The following KIAA0825 variants were observed in gnomAD, a reference collection of about 807,000 sequenced individuals.
The protein encoded by KIAA0825 is uncharacterized protein KIAA0825.
In KIAA0825, 119 loss-of-function variants were observed where a neutral mutation model predicts 147.6. The ratio of observed to expected loss-of-function variants is 0.81; its 90% CI spans 0.69 to 0.94. The LOEUF is 0.94. Among genes scored for constraint, KIAA0825 ranks in the 40% least tolerant of loss-of-function variants. The pLI, the probability that KIAA0825 is intolerant of heterozygous loss-of-function variation, is 0.00. For missense variants in KIAA0825, 1,381 were observed against 1,472.7 expected (o/e 0.94, Z 1.02); for synonymous variants, 470 against 518.1 (o/e 0.91, Z 1.26).
At chr5:94,284,325 A>G (rs769954137) in intron 20 of KIAA0825, among the ~76,000 whole-genome samples, 17 of 152,106 alleles carry the variant, frequency 1.1e-4, no homozygotes, top group Non-Finnish European at 1.9e-4. Flanking sequence ...TTCTTGAGGA[A>G]GTCCACAGAT....
intron 20 of KIAA0825, among the ~76,000 whole-genome samples, chr5:94,333,691 G>T (rs946049678): frequency 2.6e-5 from 4 of 152,018 alleles, no homozygotes; most frequent in African/African-American, 9.7e-5. Context: ...TTTTGCTTAG[G>T]ATTGTCTTGG....
intron 2 of KIAA0825, among the ~76,000 whole-genome samples, chr5:94,556,689 T>C (rs1470765891): frequency 1.3e-5 from 2 of 152,224 alleles, no homozygotes; most frequent in Non-Finnish European, 2.9e-5. Context: ...TCACCAGTCT[T>C]GTATCATCAA....
intron 5 of KIAA0825, among the ~76,000 whole-genome samples, chr5:94,499,848 A>G (rs1241411104): frequency 6.6e-6 from 1 of 152,192 alleles, no homozygotes; most frequent in Non-Finnish European, 1.5e-5. Flanking sequence ...CTTAGAGTCC[A>G]TATGGGGAGA....
At chr5:94,493,896 CAGAG>C (rs1352745980) in intron 5 of KIAA0825, among the ~76,000 whole-genome samples, 1 of 152,100 alleles carries the variant, frequency 6.6e-6, no homozygotes, top group Non-Finnish European at 1.5e-5. Flanking sequence ...GATGTATAGA[CAGAG>C]AGAACCCCTG....
At chr5:94,613,627 C>A (rs180872697) in intron 1 of KIAA0825, among the ~76,000 whole-genome samples, 14 of 152,322 alleles carry the variant, frequency 9.2e-5, no homozygotes, top group Middle Eastern at 6.8e-3. Context: ...TCAGTAGGGG[C>A]TGAATCCAAC....
intron 20 of KIAA0825, among the ~76,000 whole-genome samples, chr5:94,219,628 G>T (rs1224066772): frequency 1.3e-5 from 2 of 152,154 alleles, no homozygotes; most frequent in African/African-American, 4.8e-5. Flanking sequence ...TACCTATATA[G>T]TATAGTGTAT....
rs1033913421 is a variant in KIAA0825, at chr5:94,228,940, C to G, written c.3711-74816G>C. 1.5e-4 allele frequency among the ~76,000 whole-genome samples: 23 copies of G among 152,136 alleles called. 1 individual carries two copies. The highest frequency in any genetic ancestry group is 1.3e-3 in the Admixed American group (20 of 15,276). The stretch of plus-strand genomic sequence containing the variant: ...GAGGCCACTGGCCTGGGACTCTGAC[C>G]ATTCCAGGCCCCACCCAGCCACTCC... On this transcript the variant is annotated intron_variant, in intron 20 of 20. Transcript: ENST00000682413.
intron 1 of KIAA0825, chr5:94,618,005 G>A (rs1249383518): frequency 1.3e-5 from 2 of 152,102 alleles, no homozygotes; most frequent in East Asian, 3.8e-4. Context: ...TTCAAATGGC[G>A]GGAGGAACCT....
Position 94,394,958 on chromosome 5 carries a change from G to A in KIAA0825, c.3296+1143C>T, listed in dbSNP as rs1372169038. On this transcript the variant is annotated intron_variant, in intron 17 of 20. Coordinates refer to ENST00000682413, the MANE Select transcript of KIAA0825 (RefSeq NM_001145678.3). ...TTTTCCCCATTTGGATTAATATGAA[G>A]TCTTATAGATTAACATAGACAAGTA... 3.3e-5 allele frequency among the ~76,000 whole-genome samples: 5 copies of A among 152,170 alleles called. No individual in the cohort carries two copies. The East Asian group carries it at 7.7e-4, about 24-fold the overall frequency.
rs185616703 is a variant in KIAA0825 at position 94,188,519 on chromosome 5, G to A, written c.3711-34395C>T. On this transcript the variant is annotated intron_variant, in intron 20 of 20. Transcript: ENST00000682413. ...GCTTTTTCTAGAATTTCATATTAAT[G>A]GGATCATGTAGTACATAGTCTTTTG... Among the ~76,000 whole-genome samples, 97 of 152,180 alleles carry A rather than the reference G, an allele frequency of 6.4e-4. 1 individual carries two copies. Among genetic ancestry groups the A allele is most frequent in the African/African-American group, 2.3e-3 (94 of 41,526 alleles).
chr5:94,444,388 CT>C (rs1689700709), intron 13 of KIAA0825, among the ~76,000 whole-genome samples: 1 of 152,122 alleles, frequency 6.6e-6, no homozygotes, highest in African/African-American at 2.4e-5. Context: ...AGGAGCTGGG[CT>C]TGCTACTGCA....
intron 20 of KIAA0825, among the ~76,000 whole-genome samples, chr5:94,156,941 G>C (rs1767083432): frequency 6.6e-6 from 1 of 151,672 alleles, no homozygotes; most frequent in South Asian, 2.1e-4. Flanking sequence ...TTCCATCATG[G>C]TTTTGGGTTT....
At chr5:94,318,419 ATAATAT>A (rs1779857563) in intron 20 of KIAA0825, among the ~76,000 whole-genome samples, 1 of 151,944 alleles carries the variant, frequency 6.6e-6, no homozygotes, top group Non-Finnish European at 1.5e-5. Flanking sequence ...TCTCATACAA[ATAATAT>A]TAATACGATG....
At chr5:94,502,533 A>G (rs537177475) in intron 5 of KIAA0825, among the ~76,000 whole-genome samples, 1 of 152,196 alleles carries the variant, frequency 6.6e-6, no homozygotes, top group African/African-American at 2.4e-5. Flanking sequence ...AAAATTCTAA[A>G]CTATTAAACA....
At chr5:94,176,141 C>T (rs967543232) in intron 20 of KIAA0825, among the ~76,000 whole-genome samples, 1 of 152,026 alleles carries the variant, frequency 6.6e-6, no homozygotes, top group Non-Finnish European at 1.5e-5. Context: ...GGGGCAGATC[C>T]CTCAAGAAAT....
intron 20 of KIAA0825, among the ~76,000 whole-genome samples, chr5:94,333,819 G>C (rs1781521137): frequency 6.6e-6 from 1 of 152,074 alleles, no homozygotes; most frequent in Non-Finnish European, 1.5e-5. Flanking sequence ...GACACACAGA[G>C]AGCCAAATCA....
intron 20 of KIAA0825, among the ~76,000 whole-genome samples, chr5:94,253,077 G>T (rs1382647419): frequency 2.0e-5 from 3 of 152,066 alleles, no homozygotes; most frequent in African/African-American, 7.2e-5. Context: ...ATCTGTCTGT[G>T]CCCATTAAAC....
chr5:94,202,584 G>C (rs775753842), intron 20 of KIAA0825, among the ~76,000 whole-genome samples: 5 of 152,198 alleles, frequency 3.3e-5, no homozygotes, highest in Non-Finnish European at 7.4e-5. Context: ...CACCAAAGCA[G>C]ATGCTGGGGA....
intron 20 of KIAA0825, among the ~76,000 whole-genome samples, chr5:94,336,565 T>A (rs2150312014): frequency 6.6e-6 from 1 of 152,224 alleles, no homozygotes; most frequent in South Asian, 2.1e-4. Context: ...TCCAGCTTCA[T>A]CCATGTCCCT....
Sources: allele counts gnomAD v4.1 joint callset (sites outside exome capture counted in the v4.1 genomes callset), GRCh38; gene constraint gnomAD v4.1.1; transcripts MANE v1.5; gene names NCBI Gene and HGNC (gene_info 2026-07-23, HGNC 2026-07-21).